The following RCOR1 variants were observed in gnomAD, a reference collection of about 807,000 sequenced individuals.
RCOR1 encodes REST corepressor.
A neutral mutation model predicts 64.0 loss-of-function variants in RCOR1; 12 were observed. The ratio of observed to expected loss-of-function variants is 0.19; its 90% CI spans 0.12 to 0.30. The LOEUF (loss-of-function observed/expected upper bound fraction) is 0.30, where lower values mean the gene tolerates loss of function less well. RCOR1 is among the 10% of genes least tolerant of loss of function. The probability of loss-of-function intolerance (pLI) is 1.00; values close to 1 mark genes in which losing one functional copy is unlikely to be tolerated. For missense variants in RCOR1, 502 were observed against 621.2 expected (o/e 0.81, Z 2.04); for synonymous variants, 279 against 227.2 (o/e 1.23, Z -2.05).
intron 8 of RCOR1, among the ~76,000 whole-genome samples, chr14:102,716,448 C>G (rs886274841): frequency 6.6e-6 from 1 of 152,192 alleles, no homozygotes; most frequent in Non-Finnish European, 1.5e-5. Flanking sequence ...TTCTCAAGGT[C>G]ATGACGATAT....
At chr14:102,659,889 G>A (rs1457917389) in intron 2 of RCOR1, among the ~76,000 whole-genome samples, 1 of 152,154 alleles carries the variant, frequency 6.6e-6, no homozygotes, top group Non-Finnish European at 1.5e-5. Flanking sequence ...GTCAAGAAGC[G>A]TGAAGTAGTT....
intron 2 of RCOR1, among the ~76,000 whole-genome samples, chr14:102,627,129 A>G (rs959164882): frequency 1.3e-5 from 2 of 152,172 alleles, no homozygotes; most frequent in Admixed American, 1.3e-4. Context: ...CAATTAGAAG[A>G]AAACTACTCA....
At chr14:102,634,792 G>A (rs1485115272) in intron 2 of RCOR1, among the ~76,000 whole-genome samples, 3 of 151,588 alleles carry the variant, frequency 2.0e-5, no homozygotes, top group Admixed American at 1.3e-4. Flanking sequence ...TACCTCCCAG[G>A]TTCAAGTGAT....
At chr14:102,612,322 A>G (rs1181722131) in intron 2 of RCOR1, among the ~76,000 whole-genome samples, 1 of 151,708 alleles carries the variant, frequency 6.6e-6, no homozygotes, top group Non-Finnish European at 1.5e-5. Context: ...GAGCCACTGC[A>G]CTTCCTGAGT....
chr14:102,685,863 G>A (rs1250717641), intron 3 of RCOR1, among the ~76,000 whole-genome samples: 4 of 152,076 alleles, frequency 2.6e-5, no homozygotes, highest in Admixed American at 2.6e-4. Context: ...TGGAGGCAGA[G>A]ATGAGGATGC....
rs371694400 is a variant in RCOR1, at chr14:102,714,431, T to A, written c.867T>A (p.Pro289=). Residue 289 remains proline (P), a synonymous_variant, in exon 8 of 12, where the codon CCT becomes CCA. Transcript: ENST00000262241. The stretch of plus-strand genomic sequence containing the variant: ...CTGTGTATATCATGCAGGTTCCCCC[T>A]ACTGAGACAGTTCCTCAGGTCAAAA... ...QNKESKKEVP[P]TETVPQVKKE... 1.2e-6 allele frequency: 2 copies of A among 1,606,298 alleles called. No homozygotes were observed.
At chr14:102,628,510 T>C (rs1894028358) in intron 2 of RCOR1, among the ~76,000 whole-genome samples, 1 of 151,240 alleles carries the variant, frequency 6.6e-6, no homozygotes, top group African/African-American at 2.4e-5. Flanking sequence ...TGAGTCTTGC[T>C]CTGTTGCCCA....
At chr14:102,662,311 T>C in intron 2 of RCOR1, 2 of 557,164 alleles carry the variant, frequency 3.6e-6, no homozygotes, top group South Asian at 1.4e-5. Context: ...TATGCCTCCT[T>C]CTCTCCATCA....
At chr14:102,685,273 G>A (rs948298219) in intron 3 of RCOR1, among the ~76,000 whole-genome samples, 3 of 151,902 alleles carry the variant, frequency 2.0e-5, no homozygotes, top group Admixed American at 6.6e-5. Flanking sequence ...GTACATCTGG[G>A]ACTTTGTTTC....
chr14:102,593,823 TC>T (rs1308265199), intron 2 of RCOR1, among the ~76,000 whole-genome samples: 1 of 152,106 alleles, frequency 6.6e-6, no homozygotes, highest in Non-Finnish European at 1.5e-5. Context: ...TGCCCTCCCA[TC>T]CAGAAGGCGA....
intron 2 of RCOR1, among the ~76,000 whole-genome samples, chr14:102,676,943 C>T (rs1162343444): frequency 2.0e-5 from 2 of 101,924 alleles, no homozygotes; most frequent in African/African-American, 4.2e-5. Flanking sequence ...GGCGGCTGGC[C>T]GGGCAGAGGG....
chr14:102,617,587 CTTTTTTTT>C (rs71119722), intron 2 of RCOR1, among the ~76,000 whole-genome samples: 59 of 118,260 alleles, frequency 5.0e-4, no homozygotes, highest in Non-Finnish European at 8.7e-4. Flanking sequence ...CTGTCTCTTT[CTTTTTTTT>C]TTTTTTTTTT....
intron 7 of RCOR1, among the ~76,000 whole-genome samples, chr14:102,712,252 G>A (rs1417875070): frequency 6.6e-6 from 1 of 151,800 alleles, no homozygotes; most frequent in Admixed American, 6.6e-5. Context: ...GTATGACCTT[G>A]GCTCACTGCA....
Position 102,729,557 on chromosome 14 carries a change from A to G in RCOR1, c.*3051A>G. Reference sequence around the variant, plus strand: ...GACGTTCTGATGCTCACAAACCTCTATTCAACACACAAAACAAACATGAAA... The same window carrying G: ...GACGTTCTGATGCTCACAAACCTCTGTTCAACACACAAAACAAACATGAAA... On this transcript the variant is annotated 3_prime_UTR_variant, in exon 12 of 12. Transcript: ENST00000262241. 1 of 281,532 alleles carries G rather than the reference A, an allele frequency of 3.6e-6. No individual in the cohort carries two copies. The highest frequency in any genetic ancestry group is 6.6e-6 in the Non-Finnish European group (1 of 152,376). 17.4% of individuals were successfully genotyped at this position (281,532 alleles called of 1,614,324 possible).
chr14:102,696,507 G>C (rs1315002262), intron 3 of RCOR1, among the ~76,000 whole-genome samples: 3 of 152,190 alleles, frequency 2.0e-5, no homozygotes, highest in African/African-American at 7.2e-5. Context: ...GAAGGGTGAT[G>C]GGTGCAAATG....
At chr14:102,632,400 G>A (rs776579624) in intron 2 of RCOR1, among the ~76,000 whole-genome samples, 31 of 150,264 alleles carry the variant, frequency 2.1e-4, no homozygotes, top group Non-Finnish European at 4.1e-4. Context: ...TGTATTTTTA[G>A]TAGAGACGGG....
chr14:102,683,494 G>A (rs1385361075), intron 3 of RCOR1, among the ~76,000 whole-genome samples: 1 of 152,232 alleles, frequency 6.6e-6, no homozygotes, highest in Non-Finnish European at 1.5e-5. Context: ...CAGCGCCAGC[G>A]TGGAGGCCAC....
At chr14:102,644,412 G>T (rs533610456) in intron 2 of RCOR1, among the ~76,000 whole-genome samples, 1 of 152,298 alleles carries the variant, frequency 6.6e-6, no homozygotes, top group South Asian at 2.1e-4. Context: ...AGAGTGTAAG[G>T]GGTCCCTGTG....
intron 2 of RCOR1, among the ~76,000 whole-genome samples, chr14:102,638,464 G>C (rs1894291522): frequency 6.6e-6 from 1 of 150,388 alleles, no homozygotes. Context: ...TGCAACCTCA[G>C]CCTCCCGAGT....
Sources: gnomAD v4.1 joint callset for allele counts (sites outside exome capture counted in the v4.1 genomes callset) on GRCh38, gnomAD v4.1.1 for gene constraint, MANE v1.5 for transcripts, NCBI Gene and HGNC (gene_info 2026-07-23, HGNC 2026-07-21) for gene names.